The following IFT81 variants were observed in gnomAD, a reference collection of about 807,000 sequenced individuals.
IFT81 encodes the protein intraflagellar transport 81.
In IFT81, 72 loss-of-function variants were observed where a neutral mutation model predicts 102.6. The ratio of observed to expected loss-of-function variants is 0.70; its 90% confidence interval spans 0.58 to 0.85. IFT81 has a LOEUF of 0.85. Among genes scored for constraint, IFT81 ranks in the 40% least tolerant of loss-of-function variants. The pLI is 0.00. For missense variants in IFT81, 723 were observed against 787.3 expected, an observed-to-expected ratio of 0.92 and a Z score of 0.98; for synonymous variants, 237 against 242.7, an observed-to-expected ratio of 0.98 and a Z score of 0.22.
intron 18 of IFT81, chr12:110,216,785 T>C (rs982301890): frequency 1.4e-5 from 5 of 347,608 alleles, no homozygotes; most frequent in Non-Finnish European, 2.2e-5. Context: ...CTATATAGCA[T>C]GAGTCCTGTT....
Position 110,209,222 on chromosome 12 carries a change from AATT to A in IFT81, c.1848+13_1848+15del, listed in dbSNP as rs903487124. The stretch of plus-strand genomic sequence containing the variant: ...AACAAGAAAACCTTGGAAAGGTAAG[AATT>A]ATTATTTATTTTTTTAAATGTGTCT... On this transcript the variant is annotated splice_region_variant and intron_variant, in intron 18 of 18. Coordinates refer to ENST00000242591, the MANE Select transcript of IFT81 (RefSeq NM_014055.4). 2.0e-6 allele frequency: 3 copies of A among 1,472,228 alleles called. No individual in the cohort carries two copies. Among genetic ancestry groups the A allele is most frequent in the African/African-American group, 2.8e-5 (2 of 71,606 alleles). 91.2% of individuals were successfully genotyped at this position (1,472,228 alleles called of 1,614,324 possible). A position where few individuals can be genotyped will look rare whatever the true frequency, so the allele number is the denominator to read the frequency against.
chr12:110,140,104 AT>A (rs998114541), intron 8 of IFT81, among the ~76,000 whole-genome samples: 78 of 149,226 alleles, frequency 5.2e-4, no homozygotes, highest in African/African-American at 1.1e-3. Flanking sequence ...AATGTATTAA[AT>A]TTTTTTTTTT....
intron 12 of IFT81, among the ~76,000 whole-genome samples, chr12:110,190,218 C>T (rs146093575): frequency 3.9e-5 from 6 of 152,172 alleles, no homozygotes; most frequent in Non-Finnish European, 8.8e-5. Flanking sequence ...TAGATGTACA[C>T]TGAGACCTAG....
intron 12 of IFT81, 31 bp from the exon 13 acceptor site, chr12:110,190,889 G>A (rs756445313): frequency 1.4e-6 from 2 of 1,468,730 alleles, no homozygotes; most frequent in East Asian, 2.5e-5. Context: ...ATTTTGACAT[G>A]TTTTGTGGCC....
Position 110,218,208 on chromosome 12 carries a change from G to A in IFT81, c.2013G>A (p.Glu671=). Residue 671 remains glutamate (E), a synonymous_variant, in exon 19 of 19, where the codon GAG becomes GAA. Transcript: ENST00000242591. ...GTCAGGTAATTCAGGAGGGTGGGGA[G>A]GACCGGCTAATACTGTGAATTCTTG... ...SIGQVIQEGG[E]DRLIL is the part of the protein sequence containing the mutation. 1 of 1,559,340 alleles carries A rather than the reference G, an allele frequency of 6.4e-7. No homozygotes were observed. The highest frequency in any genetic ancestry group is 2.1e-5 in the Admixed American group (1 of 48,120).
intron 12 of IFT81, among the ~76,000 whole-genome samples, chr12:110,185,782 C>A (rs1292343788): frequency 6.6e-6 from 1 of 151,058 alleles, no homozygotes; most frequent in Non-Finnish European, 1.5e-5. Flanking sequence ...ATTTTTTTTT[C>A]AGACATGGGG....
Position 110,209,207 on chromosome 12 carries a change from C to A in IFT81, c.1839C>A (p.Asn613Lys), listed in dbSNP as rs1869083068. 3 of 1,539,190 alleles carry A rather than the reference C, an allele frequency of 1.9e-6. No individual in the cohort carries two copies. Among genetic ancestry groups the A allele is most frequent in the South Asian group, 1.1e-5 (1 of 87,854 alleles). Residue 613 changes from asparagine (N) to lysine (K), a missense_variant, in exon 18 of 19, where the codon AAC becomes AAA. Physicochemically the swap from Asn to Lys is moderately conservative, Grantham distance 94. Transcript: ENST00000242591. ...CCAAAAATACTGCTGAACAAGAAAA[C>A]CTTGGAAAGGTAAGAATTATTATTT... is the stretch of plus-strand genomic sequence containing the variant. Reference protein sequence around the residue: ...QYTKNTAEQENLGKKLREKQK... With the variant: ...QYTKNTAEQEKLGKKLREKQK...
In IFT81 at chr12:110,209,190, A is replaced by C. The variant is rs1869081144; in HGVS notation, c.1822A>C (p.Thr608Pro). Reference protein sequence around the residue: ...KAIREQYTKNTAEQENLGKKL... With the variant: ...KAIREQYTKNPAEQENLGKKL... ...CCCTAGGGAACAGTATACCAAAAAT[A>C]CTGCTGAACAAGAAAACCTTGGAAA... Residue 608 changes from threonine to proline, a missense_variant, in exon 18 of 19, where the codon ACT becomes CCT. By Grantham distance (38) the Thr-to-Pro change is conservative. Coordinates refer to ENST00000242591, the MANE Select transcript of IFT81 (RefSeq NM_014055.4). The C allele has an allele frequency of 5.8e-6, 9 of 1,551,648 alleles. No homozygotes were observed. In the East Asian group the frequency reaches 2.0e-4, roughly 35 times the overall value.
In IFT81 at chr12:110,203,628, C is replaced by T; in HGVS notation, c.1558-236C>T. The T allele has an allele frequency of 8.7e-6, 4 of 461,290 alleles. No individual in the cohort carries two copies. In the South Asian group the frequency reaches 9.6e-5, roughly 11 times the overall value. The allele number at this position is 461,290 out of a possible 1,614,324, so 28.6% of individuals were successfully genotyped here. A position where few individuals can be genotyped will look rare whatever the true frequency, so the allele number is the denominator to read the frequency against. On this transcript the variant is annotated intron_variant, in intron 14 of 18. Transcript: ENST00000242591. ...TTTTGGCTGTTTTATTCACTATTGTCTCCCCAGCTCCTAACAAAGAACCTG... is the reference window on the plus strand; with the variant it reads ...TTTTGGCTGTTTTATTCACTATTGTTTCCCCAGCTCCTAACAAAGAACCTG...
intron 1 of IFT81, among the ~76,000 whole-genome samples, chr12:110,125,670 C>T (rs1311293413): frequency 1.3e-5 from 2 of 152,228 alleles, no homozygotes; most frequent in Non-Finnish European, 2.9e-5. Flanking sequence ...ACTGGGATTA[C>T]AGGAGAGAAC....
intron 14 of IFT81, among the ~76,000 whole-genome samples, chr12:110,201,956 A>G (rs558223580): frequency 3.1e-4 from 47 of 152,338 alleles, no homozygotes; most frequent in Non-Finnish European, 5.9e-4. Flanking sequence ...AGGCTGTTTC[A>G]CAGTTTATTT....
intron 10 of IFT81, among the ~76,000 whole-genome samples, chr12:110,159,015 C>T (rs1895999183): frequency 6.6e-6 from 1 of 152,224 alleles, no homozygotes; most frequent in African/African-American, 2.4e-5. Flanking sequence ...AGCCACTGCG[C>T]CTGGCTGTGA....
intron 14 of IFT81, among the ~76,000 whole-genome samples, chr12:110,197,645 T>C (rs968844533): frequency 1.3e-5 from 2 of 150,184 alleles, no homozygotes; most frequent in African/African-American, 4.9e-5. Flanking sequence ...TTAGAATAAT[T>C]TGACACCCTC....
chr12:110,137,868 A>G (rs1894610143), intron 8 of IFT81, among the ~76,000 whole-genome samples: 1 of 152,234 alleles, frequency 6.6e-6, no homozygotes, highest in Non-Finnish European at 1.5e-5. Flanking sequence ...CTGGATCCTT[A>G]AAACCGAGTG....
chr12:110,186,313 C>G (rs902346303), intron 12 of IFT81, among the ~76,000 whole-genome samples: 3 of 151,966 alleles, frequency 2.0e-5, no homozygotes, highest in Non-Finnish European at 2.9e-5. Flanking sequence ...GTAAGATCTT[C>G]TATCTGTGTT....
In IFT81 at chr12:110,179,805, C is replaced by T. The variant is rs190582131; in HGVS notation, c.1189-617C>T. 6.7e-3 allele frequency among the ~76,000 whole-genome samples: 879 copies of T among 131,414 alleles called. 7 individuals are homozygous for T. The highest frequency in any genetic ancestry group is 9.7e-3 in the Non-Finnish European group (596 of 61,356). The allele number at this position is 131,414 out of a possible 152,430, so 86.2% of individuals were successfully genotyped here. On this transcript the variant is annotated intron_variant, in intron 11 of 18. Transcript: ENST00000242591. ...ACACACACACACACACACACACACA[C>T]ATTTTATATGTATACATATATTAAA...
rs550038213 is a variant in IFT81, at chr12:110,161,134, CT to C, written c.1042-1767del. 8.0e-3 allele frequency among the ~76,000 whole-genome samples: 1,059 copies of C among 132,528 alleles called. 12 individuals carry two copies. Among genetic ancestry groups the C allele is most frequent in the African/African-American group, 0.021 (761 of 36,312 alleles). The allele number at this position is 132,528 out of a possible 152,430, so 86.9% of individuals were successfully genotyped here. A position where few individuals can be genotyped will look rare whatever the true frequency, so the allele number is the denominator to read the frequency against. ...GCGTTCTATCATTCCTTCTTCACCA[CT>C]TTTTTTTTTTTTTTTTTCCTTTTGA... is the stretch of plus-strand genomic sequence containing the variant. On this transcript the variant is annotated intron_variant, in intron 10 of 18. Coordinates refer to ENST00000242591, the MANE Select transcript of IFT81 (RefSeq NM_014055.4).
intron 10 of IFT81, among the ~76,000 whole-genome samples, chr12:110,153,908 C>T (rs575388077): frequency 3.8e-4 from 58 of 151,552 alleles, no homozygotes; most frequent in Non-Finnish European, 4.3e-4. Context: ...TGAGCCACCG[C>T]GCCCAGCCTG....
At chr12:110,213,565 G>T (rs751200261) in intron 18 of IFT81, among the ~76,000 whole-genome samples, 2 of 152,140 alleles carry the variant, frequency 1.3e-5, no homozygotes, top group African/African-American at 2.4e-5. Flanking sequence ...TTGCACAGTG[G>T]TAACATTCTG....
Sources: allele counts gnomAD v4.1 joint callset (sites outside exome capture counted in the v4.1 genomes callset), GRCh38; gene constraint gnomAD v4.1.1; transcripts MANE v1.5; gene names NCBI Gene and HGNC (gene_info 2026-07-23, HGNC 2026-07-21).